Variants in ACCSL observed in about 807,000 individuals in gnomAD.
ACCSL encodes 1-aminocyclopropane-1-carboxylate synthase homolog (inactive) like.
In ACCSL, 55 loss-of-function variants were observed where a neutral mutation model predicts 61.7. That is an observed-to-expected ratio of 0.89 (90% CI 0.72 to 1.12). The LOEUF is 1.12. Ranked by LOEUF, ACCSL falls within the 50% of genes most tolerant of loss-of-function variation. The pLI is 0.00. For synonymous variants in ACCSL, 258 were observed against 264.3 expected, an observed-to-expected ratio of 0.98 and a Z score of 0.23; for missense variants, 632 against 698.0, an observed-to-expected ratio of 0.91 and a Z score of 1.07.
chr11:44,050,840 C>CTTTT (rs66464203), intron 3 of ACCSL, among the ~76,000 whole-genome samples: 17 of 126,762 alleles, frequency 1.3e-4, no homozygotes, highest in African/African-American at 3.9e-4. Context: ...GGCCTGAGTT[C>CTTTT]TTTTTTTTTT....
chr11:43,972,945 C>A, the ACCSL span, among the ~76,000 whole-genome samples: 1 of 152,110 alleles, frequency 6.6e-6, no homozygotes, highest in African/African-American at 2.4e-5. Context: ...GAGTTTGAGA[C>A]CAGCTTGGGC....
At chr11:43,947,739 AAGAGAG>A in the ACCSL span, among the ~76,000 whole-genome samples, 122 of 102,028 alleles carry the variant, frequency 1.2e-3, 1 homozygote, top group Middle Eastern at 4.4e-3. Context: ...GAGACAGTGA[AAGAGAG>A]AGAGAGAGAG....
rs377667039 is a variant in ACCSL at position 44,048,005 on chromosome 11, A to G, written c.-32A>G. 23 of 1,588,138 alleles carry G rather than the reference A, an allele frequency of 1.4e-5. 1 individual carries two copies. Among genetic ancestry groups the G allele is most frequent in the Non-Finnish European group, 2.6e-6 (3 of 1,162,670 alleles). ...GTCTCTTTCTCCATAGGTGCCAGGC[A>G]GCCTTCAGAGGCCAGTAAAGATACC... is the stretch of plus-strand genomic sequence containing the variant. On this transcript the variant is annotated 5_prime_UTR_variant, in exon 1 of 14. Coordinates refer to ENST00000378832, the MANE Select transcript of ACCSL (RefSeq NM_001031854.2).
At chr11:44,040,336 A>G in the ACCSL span, among the ~76,000 whole-genome samples, 4,654 of 152,262 alleles carry the variant, frequency 0.031, 98 homozygotes, top group Non-Finnish European at 0.042. Flanking sequence ...GTAGCACTTG[A>G]TTAGTTCTCC....
chr11:44,022,787 G>T, the ACCSL span, among the ~76,000 whole-genome samples: 2 of 152,124 alleles, frequency 1.3e-5, no homozygotes, highest in East Asian at 3.8e-4. Flanking sequence ...ACGAGGTATT[G>T]GTCTGTAGTT....
chr11:44,010,803 G>T, the ACCSL span, among the ~76,000 whole-genome samples: 1 of 152,192 alleles, frequency 6.6e-6, no homozygotes, highest in African/African-American at 2.4e-5. Context: ...AATGGAAGCA[G>T]GAGCAACAAG....
the ACCSL span, chr11:43,925,445 G>A: frequency 4.4e-6 from 2 of 456,208 alleles, no homozygotes; most frequent in East Asian, 7.0e-5. Flanking sequence ...GGCTGGATAT[G>A]TGGCAAGGAT....
chr11:44,049,137 A>T (rs1241611489), intron 1 of ACCSL, among the ~76,000 whole-genome samples: 1 of 151,950 alleles, frequency 6.6e-6, no homozygotes, highest in Non-Finnish European at 1.5e-5. Context: ...TTACCCTAAG[A>T]GGCTGGGCGT....
chr11:43,926,038 G>A, the ACCSL span, among the ~76,000 whole-genome samples: 6 of 152,160 alleles, frequency 3.9e-5, no homozygotes, highest in African/African-American at 1.4e-4. Context: ...GGCTCCCCTG[G>A]TGCCCTCGTG....
At chr11:44,041,915 T>C in the ACCSL span, among the ~76,000 whole-genome samples, 1 of 152,228 alleles carries the variant, frequency 6.6e-6, no homozygotes, top group Non-Finnish European at 1.5e-5. Flanking sequence ...CTGAATTTCG[T>C]CAGGTATCTT....
the ACCSL span, among the ~76,000 whole-genome samples, chr11:44,006,032 C>T: frequency 6.6e-6 from 1 of 152,214 alleles, no homozygotes; most frequent in Non-Finnish European, 1.5e-5. Context: ...GCTCAAGACT[C>T]CCACCACCAT....
the ACCSL span, among the ~76,000 whole-genome samples, chr11:44,036,733 G>C: frequency 6.8e-6 from 1 of 146,608 alleles, no homozygotes; most frequent in Non-Finnish European, 1.5e-5. Context: ...AGTGAGTCAA[G>C]ATCGCCCCAC....
the ACCSL span, among the ~76,000 whole-genome samples, chr11:43,984,741 G>C: frequency 6.6e-6 from 1 of 152,266 alleles, no homozygotes; most frequent in African/African-American, 2.4e-5. Flanking sequence ...GGACAATGTT[G>C]CACAATTGGT....
the ACCSL span, among the ~76,000 whole-genome samples, chr11:43,974,964 T>A: frequency 6.6e-6 from 1 of 152,212 alleles, no homozygotes; most frequent in Admixed American, 6.5e-5. Flanking sequence ...GACACTAATT[T>A]TGGTGTAATT....
At chr11:44,045,036 A>G (rs960874833), upstream of ACCSL, among the ~76,000 whole-genome samples, 2 of 152,206 alleles carry the variant, frequency 1.3e-5, no homozygotes, top group Non-Finnish European at 2.9e-5. Flanking sequence ...CCTTTGTGGA[A>G]TGGTGTCATT....
intron 1 of ACCSL, among the ~76,000 whole-genome samples, chr11:44,049,709 T>G (rs979125806): frequency 3.3e-5 from 5 of 152,176 alleles, no homozygotes; most frequent in Non-Finnish European, 5.9e-5. Context: ...CAAGGTCACA[T>G]GGCTAGTAGG....
the ACCSL span, among the ~76,000 whole-genome samples, chr11:43,961,701 T>TTCTC: frequency 0.32 from 48,715 of 151,026 alleles, 8,111 homozygotes; most frequent in Non-Finnish European, 0.38. Context: ...TATTGTTTTG[T>TTCTC]TCTCTCTCTC....
chr11:43,971,361 G>C, the ACCSL span: 1 of 151,952 alleles, frequency 6.6e-6, no homozygotes, highest in South Asian at 2.1e-4. Context: ...CTATGTGCCA[G>C]GTGCTGTTCT....
At chr11:43,927,574 G>T in the ACCSL span, among the ~76,000 whole-genome samples, 3 of 152,230 alleles carry the variant, frequency 2.0e-5, no homozygotes, top group South Asian at 4.1e-4. Context: ...CACTGGTGTG[G>T]CTGGGTGCAG....
Sources: gnomAD v4.1 joint callset for allele counts (sites outside exome capture counted in the v4.1 genomes callset) on GRCh38, gnomAD v4.1.1 for gene constraint, MANE v1.5 for transcripts, NCBI Gene and HGNC (gene_info 2026-07-23, HGNC 2026-07-21) for gene names.